Variants in ABCD3 observed in about 807,000 individuals in gnomAD.
ABCD3 encodes the protein ATP-binding cassette sub-family D member 3.
ABCD3 carries 41 observed loss-of-function variants against 105.5 expected under a neutral mutation model. That is an observed-to-expected ratio of 0.39 (90% CI 0.30 to 0.50). ABCD3 has a LOEUF of 0.50. Ranked by LOEUF, ABCD3 falls within the 20% of genes least tolerant of loss-of-function variation. The pLI, the probability that ABCD3 is intolerant of heterozygous loss-of-function variation, is 0.84. For missense variants in ABCD3, 622 were observed against 806.3 expected (o/e 0.77, Z 2.77); for synonymous variants, 258 against 269.0 (o/e 0.96, Z 0.40).
chr1:94,477,865 A>T (rs1251644370), intron 7 of ABCD3, among the ~76,000 whole-genome samples: 1 of 152,228 alleles, frequency 6.6e-6, no homozygotes. Context: ...AGGTGAAGAT[A>T]TGTAGAAACA....
intron 13 of ABCD3, 85 bp downstream of exon 13, chr1:94,488,068 T>C (rs1649354461): frequency 8.8e-7 from 1 of 1,132,698 alleles, no homozygotes; most frequent in African/African-American, 1.6e-5. Flanking sequence ...GAGATTAAGA[T>C]AAGGGGTCAA....
the ABCD3 span, among the ~76,000 whole-genome samples, chr1:94,405,898 T>C: frequency 6.6e-6 from 1 of 152,104 alleles, no homozygotes; most frequent in African/African-American, 2.4e-5. Context: ...TGACTTTGCT[T>C]ATGGTTTTTG....
chr1:94,476,042 C>A (rs569192840), intron 7 of ABCD3, among the ~76,000 whole-genome samples: 68 of 152,220 alleles, frequency 4.5e-4, no homozygotes, highest in Non-Finnish European at 8.7e-4. Context: ...GTGCATCCGG[C>A]CATTGTTAGA....
Position 94,506,521 on chromosome 1 carries a change from T to A in ABCD3, c.1741-17T>A, listed in dbSNP as rs768834923. On this transcript the variant is annotated splice_polypyrimidine_tract_variant and intron_variant, in intron 20 of 22. Coordinates refer to ENST00000370214, the MANE Select transcript of ABCD3 (RefSeq NM_002858.4). ...GTCTGCCTGTGTTTTACACAAAAAATTTTTTTTATGCTTCAGATGGCAAGA... is the reference window on the plus strand; with the variant it reads ...GTCTGCCTGTGTTTTACACAAAAAAATTTTTTTATGCTTCAGATGGCAAGA... 85 of 1,561,262 alleles carry A rather than the reference T, an allele frequency of 5.4e-5. No homozygotes were observed. Among genetic ancestry groups the A allele is most frequent in the African/African-American group, 2.6e-4 (19 of 73,802 alleles).
chr1:94,406,488 C>T, the ABCD3 span: 10 of 415,016 alleles, frequency 2.4e-5, no homozygotes, highest in East Asian at 6.3e-5. Context: ...AACAGGCTGG[C>T]GCTTCAGTTG....
At chr1:94,440,182 A>G (rs891551256) in intron 1 of ABCD3, among the ~76,000 whole-genome samples, 2 of 152,204 alleles carry the variant, frequency 1.3e-5, no homozygotes, top group African/African-American at 4.8e-5. Flanking sequence ...AAAAGATTTA[A>G]CTTTGATACT....
Position 94,489,276 on chromosome 1 carries a change from A to G in ABCD3, c.1158-449A>G, listed in dbSNP as rs768790340. Among the ~76,000 whole-genome samples, 23 of 152,168 alleles carry G rather than the reference A, an allele frequency of 1.5e-4. 1 individual carries two copies. The highest frequency in any genetic ancestry group is 3.4e-3 in the Middle Eastern group (1 of 294). On this transcript the variant is annotated intron_variant, in intron 13 of 22. Transcript: ENST00000370214. ...GAATCTTTCAGATTCTTCCGTTTGC[A>G]GGAAGGCAGCATGCATTCGGCATAC... is the stretch of plus-strand genomic sequence containing the variant.
At chr1:94,428,557 G>T (rs758472219) in intron 1 of ABCD3, among the ~76,000 whole-genome samples, 1 of 152,158 alleles carries the variant, frequency 6.6e-6, no homozygotes, top group Non-Finnish European at 1.5e-5. Flanking sequence ...TGTTGTAGGA[G>T]GGACTGGTGG....
At chr1:94,411,793 T>A in the ABCD3 span, among the ~76,000 whole-genome samples, 2 of 152,250 alleles carry the variant, frequency 1.3e-5, no homozygotes, top group African/African-American at 4.8e-5. Flanking sequence ...TTCCATAGAA[T>A]GAAATTATTC....
chr1:94,463,929 G>T (rs927728), intron 2 of ABCD3, among the ~76,000 whole-genome samples: 58,166 of 151,864 alleles, frequency 0.38, 12,122 homozygotes, highest in Middle Eastern at 0.54. Context: ...TGTGCACACC[G>T]ATTTTATTTC....
chr1:94,495,313 C>G (rs752857739), intron 16 of ABCD3, among the ~76,000 whole-genome samples: 5 of 152,020 alleles, frequency 3.3e-5, no homozygotes, highest in Non-Finnish European at 5.9e-5. Context: ...TATGGTAGTT[C>G]AAAGCATTGG....
chr1:94,488,266 C>G (rs1001131693), intron 13 of ABCD3, among the ~76,000 whole-genome samples: 2 of 152,066 alleles, frequency 1.3e-5, no homozygotes, highest in Admixed American at 1.3e-4. Context: ...TCTTAATTCA[C>G]AGAAAACTAT....
At chr1:94,494,320 GGTGTTTATCCT>G (rs1352645075) in intron 16 of ABCD3, among the ~76,000 whole-genome samples, 4 of 151,942 alleles carry the variant, frequency 2.6e-5, no homozygotes, top group Admixed American at 6.6e-5. Flanking sequence ...CTTACTTCCT[GGTGTTTATCCT>G]GTGATTCTTG....
In ABCD3 at chr1:94,499,487, G is replaced by A. The variant is rs1201186583; in HGVS notation, c.1621-8G>A. The A allele has an allele frequency of 1.7e-5, 28 of 1,612,504 alleles. No individual in the cohort carries two copies. The highest frequency in any genetic ancestry group is 2.3e-5 in the Non-Finnish European group (27 of 1,178,912). On this transcript the variant is annotated splice_region_variant and splice_polypyrimidine_tract_variant and intron_variant, in intron 19 of 22. Transcript: ENST00000370214. ...GTTTAATTTCATCTTTAATCATTTT[G>A]CTGAAAGGTACTGAAGGAATACTTA...
intron 2 of ABCD3, among the ~76,000 whole-genome samples, chr1:94,459,912 G>A (rs1422408510): frequency 6.6e-6 from 1 of 152,106 alleles, no homozygotes. Context: ...TGTTTTCAAG[G>A]TTCATCATGT....
At chr1:94,515,772 C>G (rs965277102) in intron 22 of ABCD3, among the ~76,000 whole-genome samples, 1 of 151,788 alleles carries the variant, frequency 6.6e-6, no homozygotes, top group Non-Finnish European at 1.5e-5. Flanking sequence ...GTGAAATGCT[C>G]AAAACCTGAA....
chr1:94,501,279 A>C (rs989010550), intron 20 of ABCD3, among the ~76,000 whole-genome samples: 4 of 151,758 alleles, frequency 2.6e-5, no homozygotes, highest in Admixed American at 6.6e-5. Context: ...AAAAAAAAAA[A>C]AAAAACACAT....
chr1:94,483,706 G>A (rs1269437472), intron 10 of ABCD3, among the ~76,000 whole-genome samples: 4 of 151,948 alleles, frequency 2.6e-5, no homozygotes, highest in African/African-American at 9.7e-5. Flanking sequence ...GAAAACCTAG[G>A]CAATACCATT....
chr1:94,507,266 T>G (rs1650411799), intron 21 of ABCD3, among the ~76,000 whole-genome samples: 1 of 152,122 alleles, frequency 6.6e-6, no homozygotes, highest in Non-Finnish European at 1.5e-5. Flanking sequence ...TTGCGAAAGT[T>G]TACTGAGAAT....
Sources: allele counts gnomAD v4.1 joint callset (sites outside exome capture counted in the v4.1 genomes callset), GRCh38; gene constraint gnomAD v4.1.1; transcripts MANE v1.5; gene names NCBI Gene and HGNC (gene_info 2026-07-23, HGNC 2026-07-21).